SCAMP1: variants seen among roughly 807,000 people sequenced by gnomAD.
SCAMP1 encodes secretory carrier-associated membrane protein 1.
SCAMP1 carries 15 observed loss-of-function variants against 41.8 expected under a neutral mutation model. That is an observed-to-expected ratio of 0.36 (90% CI 0.24 to 0.55). The LOEUF is 0.55. Ranked by LOEUF, SCAMP1 falls within the 20% of genes least tolerant of loss-of-function variation. The probability of loss-of-function intolerance (pLI) is 0.86; values close to 1 mark genes in which losing one functional copy is unlikely to be tolerated. For missense variants in SCAMP1, 341 were observed against 412.6 expected (o/e 0.83, Z 1.50); for synonymous variants, 135 against 136.8 (o/e 0.99, Z 0.09).
chr5:78,457,451 G>A (rs748787407), intron 7 of SCAMP1, among the ~76,000 whole-genome samples: 337 of 151,894 alleles, frequency 2.2e-3, no homozygotes, highest in Middle Eastern at 3.4e-3. Context: ...GTCGTGTAAG[G>A]TGTCAGTGTG....
intron 8 of SCAMP1, among the ~76,000 whole-genome samples, chr5:78,466,032 C>T (rs1753737684): frequency 6.6e-6 from 1 of 152,214 alleles, no homozygotes; most frequent in Non-Finnish European, 1.5e-5. Flanking sequence ...TGCGGCCTAG[C>T]CAAATTAACA....
chr5:78,472,371 A>AATGT (rs1169779269), intron 8 of SCAMP1, among the ~76,000 whole-genome samples: 2 of 152,030 alleles, frequency 1.3e-5, no homozygotes, highest in African/African-American at 4.8e-5. Context: ...TATTTCTCCT[A>AATGT]ACGCTATGCC....
intron 1 of SCAMP1, among the ~76,000 whole-genome samples, chr5:78,383,492 A>G (rs919922901): frequency 2.0e-5 from 3 of 152,224 alleles, no homozygotes; most frequent in Admixed American, 6.5e-5. Context: ...GTTCTTGGTC[A>G]TAAAGTCTTT....
At chr5:78,364,949 G>A (rs182899957) in intron 1 of SCAMP1, among the ~76,000 whole-genome samples, 80 of 118,108 alleles carry the variant, frequency 6.8e-4, no homozygotes, top group African/African-American at 2.5e-3. Flanking sequence ...AATGGGTGCA[G>A]CACACCAACA....
chr5:78,386,743 C>T (rs1751351492), intron 1 of SCAMP1, among the ~76,000 whole-genome samples: 3 of 152,098 alleles, frequency 2.0e-5, no homozygotes, highest in Admixed American at 6.5e-5. Flanking sequence ...ATACAGAATT[C>T]TTGGCTGATA....
chr5:78,474,926 G>A (rs1278907360), intron 8 of SCAMP1, among the ~76,000 whole-genome samples: 5 of 152,144 alleles, frequency 3.3e-5, no homozygotes, highest in Non-Finnish European at 5.9e-5. Flanking sequence ...ACAATTCCCA[G>A]AAGTGTTTCT....
intron 7 of SCAMP1, among the ~76,000 whole-genome samples, chr5:78,453,695 T>G (rs147670004): frequency 0.028 from 4,338 of 152,296 alleles, 224 homozygotes; most frequent in African/African-American, 0.097. Context: ...ATATGAACTT[T>G]AAAGTAGTTT....
chr5:78,360,811 T>C, intron 1 of SCAMP1, 83 bp downstream of exon 1: 1 of 1,377,544 alleles, frequency 7.3e-7, no homozygotes, highest in Non-Finnish European at 1.0e-6. Flanking sequence ...GCCCACTGCG[T>C]CTGCCCCTCG....
chr5:78,400,145 GC>G (rs1263998272), intron 2 of SCAMP1, among the ~76,000 whole-genome samples: 6 of 152,124 alleles, frequency 3.9e-5, no homozygotes, highest in Non-Finnish European at 7.4e-5. Context: ...CCATTGTACT[GC>G]CTTTGCTCAG....
At chr5:78,460,799 TCCTTCCTCCCTTC>T (rs1561287158) in intron 8 of SCAMP1, among the ~76,000 whole-genome samples, 12 of 45,060 alleles carry the variant, frequency 2.7e-4, no homozygotes, top group South Asian at 8.2e-4. Flanking sequence ...CTTCCTTCCT[TCCTTCCTCCCTTC>T]CTTCCTTCCT....
Position 78,476,426 on chromosome 5 carries a change from G to GTAC in SCAMP1, c.*759_*761dup, listed in dbSNP as rs1210441990. 1 of 152,520 alleles carries GTAC rather than the reference G, an allele frequency of 6.6e-6. No individual in the cohort carries two copies. The highest frequency in any genetic ancestry group is 2.4e-5 in the African/African-American group (1 of 41,418). The allele number at this position is 152,520 out of a possible 1,614,324, so 9.4% of individuals were successfully genotyped here. ...ATATAAGAAGTTTATATAATATGCA[G>GTAC]TACATTATCCAAAAGAGAAGGTAGT... On this transcript the variant is annotated 3_prime_UTR_variant, in exon 9 of 9. Coordinates refer to ENST00000621999, the MANE Select transcript of SCAMP1 (RefSeq NM_004866.6).
chr5:78,365,774 A>T (rs74691323), intron 1 of SCAMP1, among the ~76,000 whole-genome samples: 1,578 of 152,292 alleles, frequency 0.01, 17 homozygotes, highest in African/African-American at 0.031. Flanking sequence ...TCAAAAATTA[A>T]TTTTAGTCTA....
intron 1 of SCAMP1, among the ~76,000 whole-genome samples, chr5:78,369,403 G>A (rs528102386): frequency 6.9e-4 from 105 of 152,188 alleles, no homozygotes; most frequent in African/African-American, 2.3e-3. Flanking sequence ...CATCGTGCCC[G>A]GCCAGGACAC....
At chr5:78,390,159 C>T (rs1580657045) in intron 2 of SCAMP1, among the ~76,000 whole-genome samples, 1 of 152,088 alleles carries the variant, frequency 6.6e-6, no homozygotes, top group Non-Finnish European at 1.5e-5. Context: ...TGTAGGACAT[C>T]TAGATGGTGT....
chr5:78,414,386 G>A (rs1752158020), intron 2 of SCAMP1, among the ~76,000 whole-genome samples: 1 of 151,944 alleles, frequency 6.6e-6, no homozygotes, highest in Admixed American at 6.6e-5. Flanking sequence ...GGGTTCAAGC[G>A]ATTCTTCTGC....
intron 1 of SCAMP1, among the ~76,000 whole-genome samples, chr5:78,363,602 C>G (rs745976337): frequency 6.6e-6 from 1 of 152,138 alleles, no homozygotes; most frequent in African/African-American, 2.4e-5. Context: ...ATGCTAATTT[C>G]TTTTTCATTA....
chr5:78,416,409 G>A (rs1370879469), intron 3 of SCAMP1, 132 bp from the exon 4 acceptor site: 1 of 603,586 alleles, frequency 1.7e-6, no homozygotes. Context: ...ATGATCTTCA[G>A]TAAATTCCTG....
rs1307990147 is a variant in SCAMP1, at chr5:78,478,370, A to AT, written c.*2708dup. On this transcript the variant is annotated 3_prime_UTR_variant, in exon 9 of 9. Coordinates refer to ENST00000621999, the MANE Select transcript of SCAMP1 (RefSeq NM_004866.6). The stretch of plus-strand genomic sequence containing the variant: ...GATGTATATAGAAATTCCATGTTTG[A>AT]TTTTTTAAAATATGTGTATAAGTCT... 2 of 152,622 alleles carry AT rather than the reference A, an allele frequency of 1.3e-5. No individual in the cohort carries two copies. The highest frequency in any genetic ancestry group is 1.3e-4 in the Admixed American group (2 of 15,270). The allele number at this position is 152,622 out of a possible 1,614,324, so 9.5% of individuals were successfully genotyped here. A position where few individuals can be genotyped will look rare whatever the true frequency, so the allele number is the denominator to read the frequency against.
At chr5:78,409,581 A>G (rs895413731) in intron 2 of SCAMP1, among the ~76,000 whole-genome samples, 16 of 152,302 alleles carry the variant, frequency 1.1e-4, no homozygotes, top group African/African-American at 3.1e-4. Flanking sequence ...CTAATCCACT[A>G]TGTTGTGGCT....
Sources: gnomAD v4.1 joint callset for allele counts (sites outside exome capture counted in the v4.1 genomes callset) on GRCh38, gnomAD v4.1.1 for gene constraint, MANE v1.5 for transcripts, NCBI Gene and HGNC (gene_info 2026-07-23, HGNC 2026-07-21) for gene names.